LOC128462377: variants seen among roughly 807,000 people sequenced by gnomAD.
chr16:89,380,416 G>A, the LOC128462377 span, among the ~76,000 whole-genome samples: 1 of 152,084 alleles, frequency 6.6e-6, no homozygotes, highest in Non-Finnish European at 1.5e-5. Flanking sequence ...CCAGCCCAAT[G>A]ATGCCATTTT....
At chr16:89,401,504 T>G in the LOC128462377 span, among the ~76,000 whole-genome samples, 1 of 152,200 alleles carries the variant, frequency 6.6e-6, no homozygotes, top group African/African-American at 2.4e-5. Flanking sequence ...AAAAAGTACA[T>G]GATATATTCA....
the LOC128462377 span, among the ~76,000 whole-genome samples, chr16:89,377,431 C>A: frequency 6.6e-6 from 1 of 151,030 alleles, no homozygotes; most frequent in Admixed American, 6.6e-5. Flanking sequence ...GGGTTTACAA[C>A]AGCCAATCAA....
chr16:89,349,254 C>T, the LOC128462377 span, among the ~76,000 whole-genome samples: 2 of 150,136 alleles, frequency 1.3e-5, no homozygotes, highest in South Asian at 2.1e-4. Context: ...ACAGGCCAGG[C>T]GCAGTGGCTC....
At chr16:89,383,571 G>A in the LOC128462377 span, among the ~76,000 whole-genome samples, 4 of 152,232 alleles carry the variant, frequency 2.6e-5, no homozygotes, top group East Asian at 1.9e-4. Flanking sequence ...AACAAAGCAC[G>A]GCCAGGAATG....
At chr16:89,415,829 C>CCAAAAAA in the LOC128462377 span, among the ~76,000 whole-genome samples, 2 of 39,744 alleles carry the variant, frequency 5.0e-5, no homozygotes, top group Non-Finnish European at 9.4e-5. Context: ...GACTCTGTCT[C>CCAAAAAA]AAAAAAAAAA....
At chr16:89,391,870 A>G in the LOC128462377 span, among the ~76,000 whole-genome samples, 1 of 152,236 alleles carries the variant, frequency 6.6e-6, no homozygotes, top group African/African-American at 2.4e-5. Context: ...TAAAGAAATC[A>G]ATGTACTTTA....
the LOC128462377 span, among the ~76,000 whole-genome samples, chr16:89,375,920 TTG>T: frequency 6.6e-6 from 1 of 151,560 alleles, no homozygotes; most frequent in South Asian, 2.1e-4. Context: ...CTCCCAGGAG[TTG>T]TGACTTTAGG....
At chr16:89,340,679 T>C in the LOC128462377 span, among the ~76,000 whole-genome samples, 1 of 152,182 alleles carries the variant, frequency 6.6e-6, no homozygotes, top group Non-Finnish European at 1.5e-5. Context: ...AAAGAGACAA[T>C]ATAATTAACA....
the LOC128462377 span, among the ~76,000 whole-genome samples, chr16:89,332,606 T>C: frequency 2.0e-5 from 3 of 152,246 alleles, no homozygotes; most frequent in African/African-American, 7.2e-5. Flanking sequence ...GAAAAAGCAC[T>C]ATCTAAATCC....
the LOC128462377 span, chr16:89,324,329 C>A: frequency 8.3e-7 from 1 of 1,210,222 alleles, no homozygotes; most frequent in Non-Finnish European, 1.1e-6. Flanking sequence ...GCAGTCGGGG[C>A]GACGTGGGTG....
At chr16:89,325,357 G>C in the LOC128462377 span, among the ~76,000 whole-genome samples, 1 of 152,078 alleles carries the variant, frequency 6.6e-6, no homozygotes, top group Non-Finnish European at 1.5e-5. Context: ...AGGATCACTT[G>C]AGCCCAGGAG....
At chr16:89,382,839 CTTTG>C in the LOC128462377 span, among the ~76,000 whole-genome samples, 4 of 151,998 alleles carry the variant, frequency 2.6e-5, no homozygotes, top group Non-Finnish European at 5.9e-5. Context: ...GTAGAGTTTC[CTTTG>C]TTTGCCCATT....
chr16:89,406,880 C>A, the LOC128462377 span, among the ~76,000 whole-genome samples: 1 of 152,168 alleles, frequency 6.6e-6, no homozygotes, highest in Non-Finnish European at 1.5e-5. Context: ...GACAAATCAG[C>A]AACATTAAGA....
the LOC128462377 span, among the ~76,000 whole-genome samples, chr16:89,397,754 C>A: frequency 6.6e-6 from 1 of 152,238 alleles, no homozygotes; most frequent in Admixed American, 6.5e-5. Flanking sequence ...CTCCTCTGAG[C>A]ATCTTCTGAT....
chr16:89,374,745 C>T, the LOC128462377 span, among the ~76,000 whole-genome samples: 1 of 152,188 alleles, frequency 6.6e-6, no homozygotes, highest in South Asian at 2.1e-4. Context: ...TAAAACATGC[C>T]AGCTGAAGAA....
At chr16:89,370,528 G>C in the LOC128462377 span, 2 of 152,544 alleles carry the variant, frequency 1.3e-5, no homozygotes, top group Non-Finnish European at 2.9e-5. Context: ...CCAGAGGCTG[G>C]AGCACACCTC....
At chr16:89,370,489 C>A in the LOC128462377 span, among the ~76,000 whole-genome samples, 1 of 152,168 alleles carries the variant, frequency 6.6e-6, no homozygotes, top group Non-Finnish European at 1.5e-5. Flanking sequence ...GGCCTTGAGG[C>A]AAATTCCCCC....
the LOC128462377 span, among the ~76,000 whole-genome samples, chr16:89,347,693 AT>A: frequency 6.6e-6 from 1 of 151,916 alleles, no homozygotes; most frequent in Non-Finnish European, 1.5e-5. Flanking sequence ...GTTTTTCCTA[AT>A]TTTCTAAAAT....
At chr16:89,369,472 C>T in the LOC128462377 span, among the ~76,000 whole-genome samples, 220 of 152,334 alleles carry the variant, frequency 1.4e-3, 2 homozygotes, top group African/African-American at 5.2e-3. Context: ...ATGGGTGCGC[C>T]GCAACAGCAC....
Sources: gnomAD v4.1 joint callset for allele counts (sites outside exome capture counted in the v4.1 genomes callset) on GRCh38, gnomAD v4.1.1 for gene constraint, MANE v1.5 for transcripts.